ALDH1L2: variants seen among roughly 807,000 people sequenced by gnomAD.
ALDH1L2 encodes mitochondrial 10-formyltetrahydrofolate dehydrogenase.
A neutral mutation model predicts 111.0 loss-of-function variants in ALDH1L2; 91 were observed. The observed-to-expected ratio is 0.82, with a 90% CI of 0.69 to 0.98. The LOEUF is 0.98. Among genes scored for constraint, ALDH1L2 ranks in the 50% least tolerant of loss-of-function variants. The pLI is 0.00. For missense variants in ALDH1L2, 995 were observed against 1,126.8 expected (o/e 0.88, Z 1.67); for synonymous variants, 374 against 392.6 (o/e 0.95, Z 0.56).
At chr12:105,082,022 C>T (rs1216154178) in intron 1 of ALDH1L2, among the ~76,000 whole-genome samples, 4 of 152,130 alleles carry the variant, frequency 2.6e-5, no homozygotes, top group South Asian at 2.1e-4. Context: ...GGCAAAACCT[C>T]GTCTCTACTA....
In ALDH1L2 at chr12:105,030,354, G is replaced by A. The variant is rs773282220; in HGVS notation, c.2486C>T (p.Pro829Leu). The A allele has an allele frequency of 1.2e-5, 19 of 1,612,790 alleles. No individual in the cohort carries two copies. The highest frequency in any genetic ancestry group is 1.6e-5 in the Non-Finnish European group (19 of 1,179,398). Residue 829 changes from proline (P) to leucine (L), a missense_variant, in exon 21 of 23, where the codon CCT (proline) becomes CTT (leucine). Transcript: ENST00000258494. ...MYLAKEESFG[P>L]IMVISKFQNG... ...TTGGAATTTAGAAATGACCATAATA[G>A]GCCCAAAGGATTCCTCTTTGGCGAG...
intron 13 of ALDH1L2, 107 bp from the exon 14 acceptor site, chr12:105,047,076 T>A: frequency 8.0e-7 from 1 of 1,254,810 alleles, no homozygotes; most frequent in Non-Finnish European, 1.1e-6. Context: ...TTAGCTGATA[T>A]GAAAAGAGCG....
Position 105,050,755 on chromosome 12 carries a change from G to A in ALDH1L2, c.1536-697C>T, listed in dbSNP as rs575540823. Reference sequence around the variant, plus strand: ...GACTGGGTAATTTATAAAGGAAAGAGGCAAGAGCATGTGCAGGGGAACTGC... The same window carrying A: ...GACTGGGTAATTTATAAAGGAAAGAAGCAAGAGCATGTGCAGGGGAACTGC... On this transcript the variant is annotated intron_variant, in intron 12 of 22. Transcript: ENST00000258494. 2.6e-3 allele frequency: 1,144 copies of A among 441,734 alleles called. 23 individuals carry two copies. Among genetic ancestry groups the A allele is most frequent in the South Asian group, 0.018 (1,122 of 61,482 alleles). The allele number at this position is 441,734 out of a possible 1,614,324, so 27.4% of individuals were successfully genotyped here. A position where few individuals can be genotyped will look rare whatever the true frequency, so the allele number is the denominator to read the frequency against.
rs759962800 is a variant in ALDH1L2 at position 105,061,764 on chromosome 12, C to A, written c.922-12G>T. On this transcript the variant is annotated splice_polypyrimidine_tract_variant and intron_variant, in intron 7 of 22. Transcript: ENST00000258494. ...TTTCTCACCGTCAGCTACAAAATAG[C>A]AACAAAACAAGCATAAAAATTGAGG... is the stretch of plus-strand genomic sequence containing the variant. The A allele has an allele frequency of 6.2e-7, 1 of 1,613,778 alleles. No homozygotes were observed. Among genetic ancestry groups the A allele is most frequent in the South Asian group, 1.1e-5 (1 of 91,050 alleles).
intron 21 of ALDH1L2, among the ~76,000 whole-genome samples, chr12:105,029,426 C>G (rs1216051293): frequency 6.6e-6 from 1 of 152,136 alleles, no homozygotes; most frequent in East Asian, 1.9e-4. Context: ...TGTGGACTAA[C>G]TGTCATCTCT....
In ALDH1L2 at chr12:105,074,589, T is replaced by TAGA. The variant is rs1877941099; in HGVS notation, c.49-585_49-584insTCT. Among the ~76,000 whole-genome samples the TAGA allele has an allele frequency of 2.7e-4, 41 of 152,254 alleles. No homozygotes were observed. In the South Asian group the frequency reaches 8.3e-3, roughly 31 times the overall value. On this transcript the variant is annotated intron_variant, in intron 1 of 22. Coordinates refer to ENST00000258494, the MANE Select transcript of ALDH1L2 (RefSeq NM_001034173.4). ...CAGAACTCTCTCTACTTTACATTCT[T>TAGA]CCATGTTAGCATGTGGCTCCACGGG... is the stretch of plus-strand genomic sequence containing the variant.
In ALDH1L2 at chr12:105,021,506, C is replaced by T. The variant is rs1314891659; in HGVS notation, c.*2918G>A. On this transcript the variant is annotated 3_prime_UTR_variant, in exon 23 of 23. Coordinates refer to ENST00000258494, the MANE Select transcript of ALDH1L2 (RefSeq NM_001034173.4). ...GGCTAAGGCATGACAATCGCTTGAA[C>T]CCAAGAGGCAGAGGTTGCAGTGAGC... 6.6e-6 allele frequency: 1 copy of T among 152,044 alleles called. No homozygotes were observed. The highest frequency in any genetic ancestry group is 1.5e-5 in the Non-Finnish European group (1 of 68,128). 9.4% of individuals were successfully genotyped at this position (152,044 alleles called of 1,614,324 possible). A position where few individuals can be genotyped will look rare whatever the true frequency, so the allele number is the denominator to read the frequency against.
At position 105,020,409 on chromosome 12, in the gene ALDH1L2, A is replaced by G. The variant is rs1195976406; in HGVS notation, c.*4015T>C. 6.6e-6 allele frequency: 1 copy of G among 152,266 alleles called. No individual in the cohort carries two copies. Among genetic ancestry groups the G allele is most frequent in the Non-Finnish European group, 1.5e-5 (1 of 68,058 alleles). The allele number at this position is 152,266 out of a possible 1,614,324, so 9.4% of individuals were successfully genotyped here. ...TTAAAACCACCAGATGCATTGCTTG[A>G]AAACCTGTTCTGCCACTTAATAGCT... On this transcript the variant is annotated 3_prime_UTR_variant, in exon 23 of 23. Transcript: ENST00000258494.
At chr12:105,047,618 G>C (rs941662853) in intron 13 of ALDH1L2, 1 of 151,872 alleles carries the variant, frequency 6.6e-6, no homozygotes, top group Non-Finnish European at 1.5e-5. Flanking sequence ...AAAAATAATA[G>C]GATTAAAAAA....
chr12:105,038,241 A>C (rs1357253129), intron 17 of ALDH1L2, 39 bp from the exon 18 acceptor site: 5 of 909,612 alleles, frequency 5.5e-6, no homozygotes, highest in Non-Finnish European at 8.3e-6. Flanking sequence ...TTTAGTTAAC[A>C]TCTCTCTCTC....
chr12:105,070,864 A>C, intron 2 of ALDH1L2, 60 bp from the exon 3 acceptor site: 1 of 1,317,416 alleles, frequency 7.6e-7, no homozygotes, highest in East Asian at 2.3e-5. Flanking sequence ...CATCACTATG[A>C]ATTCATATGT....
At chr12:105,072,095 G>T (rs34891908) in intron 2 of ALDH1L2, among the ~76,000 whole-genome samples, 30,316 of 148,698 alleles carry the variant, frequency 0.2, 3,404 homozygotes, top group African/African-American at 0.3. Flanking sequence ...CTAAAAAAAT[G>T]TGTTTAAGTG....
intron 15 of ALDH1L2, among the ~76,000 whole-genome samples, chr12:105,046,235 T>A (rs1365442065): frequency 5.5e-4 from 67 of 122,412 alleles, no homozygotes; most frequent in African/African-American, 2.1e-3. Flanking sequence ...TTTTTTTTTT[T>A]TTTTTTTTTT....
chr12:105,044,753 C>A (rs1875740657), intron 15 of ALDH1L2, among the ~76,000 whole-genome samples: 1 of 151,602 alleles, frequency 6.6e-6, no homozygotes, highest in African/African-American at 2.4e-5. Context: ...ATTATACTTA[C>A]AAGGTTTATA....
Position 105,020,064 on chromosome 12 carries a change from T to A in ALDH1L2, c.*4360A>T, listed in dbSNP as rs1224398497. 1.3e-5 allele frequency: 2 copies of A among 152,306 alleles called. No individual in the cohort carries two copies. The highest frequency in any genetic ancestry group is 1.9e-4 in the East Asian group (1 of 5,186). 9.4% of individuals were successfully genotyped at this position (152,306 alleles called of 1,614,324 possible). A position where few individuals can be genotyped will look rare whatever the true frequency, so the allele number is the denominator to read the frequency against. On this transcript the variant is annotated 3_prime_UTR_variant, in exon 23 of 23. Coordinates refer to ENST00000258494, the MANE Select transcript of ALDH1L2 (RefSeq NM_001034173.4). The stretch of plus-strand genomic sequence containing the variant: ...TACATCATTGGGTATTTAATCATTT[T>A]AAAAATCTACTCAGGCATCATTTGT...
intron 16 of ALDH1L2, 32 bp downstream of exon 16, chr12:105,040,575 G>T (rs984848721): frequency 1.2e-6 from 2 of 1,603,800 alleles, no homozygotes; most frequent in South Asian, 1.1e-5. Context: ...CCATTCATTA[G>T]TTATAGCACA....
chr12:105,068,690 C>G (rs1410720561), intron 4 of ALDH1L2, 29 bp downstream of exon 4: 4 of 1,410,106 alleles, frequency 2.8e-6, no homozygotes, highest in Non-Finnish European at 3.7e-6. Flanking sequence ...TAAAGGTTTA[C>G]TAAATTCTGG....
intron 15 of ALDH1L2, among the ~76,000 whole-genome samples, chr12:105,042,476 G>A (rs1446846765): frequency 6.6e-6 from 1 of 152,118 alleles, no homozygotes; most frequent in Non-Finnish European, 1.5e-5. Context: ...AAAGTGACTT[G>A]GGTTCATGCT....
chr12:105,063,369 G>A (rs544302611), intron 6 of ALDH1L2, among the ~76,000 whole-genome samples: 6 of 151,966 alleles, frequency 3.9e-5, no homozygotes, highest in Non-Finnish European at 8.8e-5. Flanking sequence ...CCAGCTACTC[G>A]GGAGGCTGAG....
Sources: allele counts gnomAD v4.1 joint callset (sites outside exome capture counted in the v4.1 genomes callset), GRCh38; gene constraint gnomAD v4.1.1; transcripts MANE v1.5; gene names NCBI Gene and HGNC (gene_info 2026-07-23, HGNC 2026-07-21).